The following MYT1 variants were observed in gnomAD, a reference collection of about 807,000 sequenced individuals.
The protein encoded by MYT1 is myelin transcription factor I.
In MYT1, 23 loss-of-function variants were observed where a neutral mutation model predicts 123.0. The ratio of observed to expected loss-of-function variants is 0.19; its 90% CI spans 0.13 to 0.26. The LOEUF (loss-of-function observed/expected upper bound fraction) is 0.26, where lower values mean the gene tolerates loss of function less well. Among genes scored for constraint, MYT1 ranks in the 10% least tolerant of loss-of-function variants. The pLI is 1.00. For missense variants in MYT1, 1,125 were observed against 1,472.5 expected (o/e 0.76, Z 3.86); for synonymous variants, 518 against 575.3 (o/e 0.90, Z 1.43).
rs1982082998 is a variant in MYT1 at position 64,166,371 on chromosome 20, C to A, written c.-99+1632C>A. On this transcript the variant is annotated intron_variant, in intron 1 of 22. Transcript: ENST00000328439. This position sits in a 1 kb window ranked among gnomAD's most constrained non-coding sequence, Gnocchi z 4.9. ...AGAGACTGAGACTCCTACAGGGTCCCCCCGACCCCCTGGGCACCTGGACGT... is the reference window on the plus strand; with the variant it reads ...AGAGACTGAGACTCCTACAGGGTCCACCCGACCCCCTGGGCACCTGGACGT... Among the ~76,000 whole-genome samples the A allele has an allele frequency of 1.3e-5, 2 of 152,146 alleles. No individual in the cohort carries two copies. Among genetic ancestry groups the A allele is most frequent in the African/African-American group, 4.8e-5 (2 of 41,430 alleles).
At chr20:64,221,848 C>G in intron 13 of MYT1, 45 bp from the exon 14 acceptor site, 2 of 1,603,170 alleles carry the variant, frequency 1.2e-6, no homozygotes, top group Non-Finnish European at 8.5e-7. Flanking sequence ...GCGCCCAGGC[C>G]TCCCCGCCAG....
intron 1 of MYT1, among the ~76,000 whole-genome samples, chr20:64,170,174 C>T (rs1486833038): frequency 3.9e-5 from 6 of 152,210 alleles, no homozygotes; most frequent in Non-Finnish European, 1.5e-5. Flanking sequence ...CCTTCATCTC[C>T]TGCAGCTGAA....
chr20:64,221,224 G>A (rs988923610), intron 13 of MYT1, among the ~76,000 whole-genome samples: 4 of 152,154 alleles, frequency 2.6e-5, no homozygotes, highest in Admixed American at 6.5e-5. Context: ...GTCAGGACAG[G>A]ATTTTGAGCT....
At position 64,186,971 on chromosome 20, in the gene MYT1, GGA is replaced by G. The variant is rs1982823771; in HGVS notation, c.-98-3088_-98-3087del. On this transcript the variant is annotated intron_variant, in intron 1 of 22. Transcript: ENST00000328439. The surrounding 1 kb of genome is among the most constrained non-coding windows in gnomAD (Gnocchi z 4.3). Reference sequence around the variant, plus strand: ...GTGGCTCCGGCATCCACGTTTCCGTGGAGAGTTTTCCTGTAGCCTGTGGCCCC... The same window carrying G: ...GTGGCTCCGGCATCCACGTTTCCGTGGAGTTTTCCTGTAGCCTGTGGCCCC... 7.0e-6 allele frequency among the ~76,000 whole-genome samples: 1 copy of G among 143,518 alleles called. No homozygotes were observed. Among genetic ancestry groups the G allele is most frequent in the African/African-American group, 2.6e-5 (1 of 37,980 alleles). 94.2% of individuals were successfully genotyped at this position (143,518 alleles called of 152,430 possible).
chr20:64,241,835 A>C lies in MYT1; in HGVS notation c.*1387A>C, dbSNP rs1202523692. On this transcript the variant is annotated 3_prime_UTR_variant, in exon 23 of 23. Coordinates refer to ENST00000328439, the MANE Select transcript of MYT1 (RefSeq NM_004535.3). The surrounding 1 kb of genome is among the most constrained non-coding windows in gnomAD (Gnocchi z 4.2). Reference sequence around the variant, plus strand: ...TCTTTTAATAATGGAATTTTTTTAAAAAGTATTTTGTAACTGAGGAATTTT... The same window carrying C: ...TCTTTTAATAATGGAATTTTTTTAACAAGTATTTTGTAACTGAGGAATTTT... 2 of 152,536 alleles carry C rather than the reference A, an allele frequency of 1.3e-5. No individual in the cohort carries two copies. Among genetic ancestry groups the C allele is most frequent in the Non-Finnish European group, 2.9e-5 (2 of 68,040 alleles). The allele number at this position is 152,536 out of a possible 1,614,324, so 9.4% of individuals were successfully genotyped here.
intron 18 of MYT1, among the ~76,000 whole-genome samples, chr20:64,229,745 C>A (rs1390334488): frequency 6.6e-6 from 1 of 152,210 alleles, no homozygotes; most frequent in East Asian, 1.9e-4. Flanking sequence ...AACAGGAGTC[C>A]TTTTTATGAT....
At position 64,169,221 on chromosome 20, in the gene MYT1, G is replaced by T. The variant is rs193016766; in HGVS notation, c.-99+4482G>T. ...TTTGGATGCTCCATGGTGCACCAAG[G>T]CCTGCTTTAGAAGGCCCTAGAAGGT... On this transcript the variant is annotated intron_variant, in intron 1 of 22. Transcript: ENST00000328439. Among the ~76,000 whole-genome samples, 7 of 152,286 alleles carry T rather than the reference G, an allele frequency of 4.6e-5. No individual in the cohort carries two copies. The East Asian group carries it at 7.7e-4, about 17-fold the overall frequency.
intron 4 of MYT1, among the ~76,000 whole-genome samples, chr20:64,200,305 G>GA (rs1424830959): frequency 6.6e-6 from 1 of 152,218 alleles, no homozygotes; most frequent in Admixed American, 6.5e-5. Flanking sequence ...TGAGATGAGA[G>GA]AAGGGGTCTT....
At position 64,227,424 on chromosome 20, in the gene MYT1, G is replaced by A. The variant is rs752030489; in HGVS notation, c.2538G>A (p.Thr846=). 4.3e-6 allele frequency: 7 copies of A among 1,612,542 alleles called. No individual in the cohort carries two copies. Among genetic ancestry groups the A allele is most frequent in the South Asian group, 1.1e-5 (1 of 91,060 alleles). ...CTGCTTCCCTCTGCAGGTGCCCCAC[G>A]CCCGGCTGTGACGGCTCTGGCCACA... ...AAHSADLKCP[T]PGCDGSGHIT... The change falls in exon 17 of 23, where the codon ACG becomes ACA. Residue 846 remains threonine (T), a synonymous_variant. Transcript: ENST00000328439.
At chr20:64,200,734 A>G (rs1411127851) in intron 4 of MYT1, among the ~76,000 whole-genome samples, 1 of 152,172 alleles carries the variant, frequency 6.6e-6, no homozygotes, top group African/African-American at 2.4e-5. Context: ...AAGTGGGGAA[A>G]CGGACTCAGG....
At position 64,207,634 on chromosome 20, in the gene MYT1, C is replaced by T. The variant is rs142929665; in HGVS notation, c.438C>T (p.Ile146=). ...AGTCCCATTTTGGATCCAACCCCAT[C>T]GGCAGCGCCACTGCCTCCTCCAAGG... is the stretch of plus-strand genomic sequence containing the variant. The part of the protein sequence containing the change: ...PVKSHFGSNP[I]GSATASSKGS... Residue 146 remains isoleucine (I), a synonymous_variant, in exon 7 of 23, where the codon ATC becomes ATT. Coordinates refer to ENST00000328439, the MANE Select transcript of MYT1 (RefSeq NM_004535.3). 75 of 1,613,736 alleles carry T rather than the reference C, an allele frequency of 4.6e-5. No individual in the cohort carries two copies. The highest frequency in any genetic ancestry group is 1.6e-4 in the Middle Eastern group (1 of 6,084).
At chr20:64,184,198 G>A (rs1451864242) in intron 1 of MYT1, among the ~76,000 whole-genome samples, 3 of 152,140 alleles carry the variant, frequency 2.0e-5, no homozygotes, top group South Asian at 2.1e-4. Context: ...ATGGCTTGTA[G>A]TGTTGTTGTC....
chr20:64,188,251 A>G (rs552734188), intron 1 of MYT1, among the ~76,000 whole-genome samples: 1 of 152,354 alleles, frequency 6.6e-6, no homozygotes, highest in Non-Finnish European at 1.5e-5. Context: ...GGAGAGACTC[A>G]GCGCAGAACT....
At position 64,190,587 on chromosome 20, in the gene MYT1, G is replaced by T. The variant is rs1479132850; in HGVS notation, c.-1+427G>T. On this transcript the variant is annotated intron_variant, in intron 2 of 22. Transcript: ENST00000328439. This position sits in a 1 kb window ranked among gnomAD's most constrained non-coding sequence, Gnocchi z 4.1. ...TATTTGGGGGAGGATCCCAGCTAAGGTGGGAGGATCACTTGAGCCTGGGAA... is the reference window on the plus strand; with the variant it reads ...TATTTGGGGGAGGATCCCAGCTAAGTTGGGAGGATCACTTGAGCCTGGGAA... 6.7e-6 allele frequency among the ~76,000 whole-genome samples: 1 copy of T among 149,280 alleles called. No homozygotes were observed. Among genetic ancestry groups the T allele is most frequent in the African/African-American group, 2.5e-5 (1 of 40,134 alleles).
At chr20:64,172,989 A>T (rs951009292) in intron 1 of MYT1, among the ~76,000 whole-genome samples, 2 of 151,992 alleles carry the variant, frequency 1.3e-5, no homozygotes. Flanking sequence ...TCGGCCTCCC[A>T]AAGTGTTAGG....
intron 1 of MYT1, among the ~76,000 whole-genome samples, chr20:64,184,073 G>C: frequency 6.6e-6 from 1 of 152,152 alleles, no homozygotes; most frequent in Non-Finnish European, 1.5e-5. Context: ...GCTTGCCTCA[G>C]TCTCCCAAAG....
At chr20:64,205,307 C>T (rs984639047) in intron 5 of MYT1, among the ~76,000 whole-genome samples, 4 of 140,008 alleles carry the variant, frequency 2.9e-5, no homozygotes, top group South Asian at 2.9e-4. Context: ...TCTGACCTCC[C>T]GCGAGGCAGC....
chr20:64,235,642 G>A lies in MYT1; in HGVS notation c.2898-913G>A, dbSNP rs1329457083. Among the ~76,000 whole-genome samples, 8 of 139,190 alleles carry A rather than the reference G, an allele frequency of 5.7e-5. No individual in the cohort carries two copies. In the South Asian group the frequency reaches 1.2e-3, roughly 21 times the overall value. 91.3% of individuals were successfully genotyped at this position (139,190 alleles called of 152,430 possible). ...TGTGGTGGGTGACCCTGGGCTGGCC[G>A]TGGTGGGTGACCCTGGGATGGCCGT... On this transcript the variant is annotated intron_variant, in intron 19 of 22. Coordinates refer to ENST00000328439, the MANE Select transcript of MYT1 (RefSeq NM_004535.3).
chr20:64,205,221 T>A, intron 5 of MYT1, 124 bp downstream of exon 5: 1 of 1,184,974 alleles, frequency 8.4e-7, no homozygotes, highest in Non-Finnish European at 1.2e-6. Flanking sequence ...CTGACCCTTC[T>A]GCGAGGCAGC....
Sources: gnomAD v4.1 joint callset for allele counts (sites outside exome capture counted in the v4.1 genomes callset) on GRCh38, gnomAD v4.1.1 for gene constraint, Gnocchi (gnomAD v3.1) non-coding constraint, MANE v1.5 for transcripts, NCBI Gene and HGNC (gene_info 2026-07-23, HGNC 2026-07-21) for gene names.